The following CDYL2 variants were observed in gnomAD, a reference collection of about 807,000 sequenced individuals.
CDYL2 encodes chromodomain Y like 2.
A neutral mutation model predicts 49.4 loss-of-function variants in CDYL2; 23 were observed. That is an observed-to-expected ratio of 0.47 (90% CI 0.34 to 0.66). The LOEUF (loss-of-function observed/expected upper bound fraction) is 0.66. Ranked by LOEUF, CDYL2 falls within the 30% of genes least tolerant of loss-of-function variation. The pLI is 0.01. For missense variants in CDYL2, 678 were observed against 656.4 expected (o/e 1.03, Z -0.36); for synonymous variants, 360 against 268.8 (o/e 1.34, Z -3.32).
intron 3 of CDYL2, among the ~76,000 whole-genome samples, chr16:80,625,763 T>C (rs1907272533): frequency 6.6e-6 from 1 of 152,206 alleles, no homozygotes; most frequent in African/African-American, 2.4e-5. Context: ...AGGCAAATTC[T>C]ACATAGCAGA....
chr16:80,647,661 G>A (rs1311029252), intron 2 of CDYL2, among the ~76,000 whole-genome samples: 1 of 152,032 alleles, frequency 6.6e-6, no homozygotes, highest in African/African-American at 2.4e-5. Flanking sequence ...AAGAAATATT[G>A]GACTTCATCT....
intron 1 of CDYL2, among the ~76,000 whole-genome samples, chr16:80,707,059 C>T (rs1904429780): frequency 1.3e-5 from 2 of 152,200 alleles, no homozygotes; most frequent in Admixed American, 6.5e-5. Context: ...AGTGAACACC[C>T]CACATCCAAC....
chr16:80,711,017 G>C (rs564757359), intron 1 of CDYL2, among the ~76,000 whole-genome samples: 101 of 152,312 alleles, frequency 6.6e-4, no homozygotes, highest in African/African-American at 2.4e-3. Flanking sequence ...CTAATTTGCA[G>C]CCCTGCTGCT....
chr16:80,710,639 G>A (rs962888146), intron 1 of CDYL2, among the ~76,000 whole-genome samples: 1 of 152,112 alleles, frequency 6.6e-6, no homozygotes, highest in African/African-American at 2.4e-5. Context: ...ATGAAAACAA[G>A]GACACAGAGG....
In CDYL2 at chr16:80,727,426, G is replaced by A. The variant is rs190973284; in HGVS notation, c.25-42297C>T. Among the ~76,000 whole-genome samples the A allele has an allele frequency of 1.3e-4, 20 of 152,340 alleles. 1 individual carries two copies. The highest frequency in any genetic ancestry group is 3.6e-4 in the African/African-American group (15 of 41,584). ...ACGGCGCACCAGGAGATTATATCCC[G>A]CACATGGCTCGGAAGGTCCTACGCC... On this transcript the variant is annotated intron_variant, in intron 1 of 6. Coordinates refer to ENST00000570137, the MANE Select transcript of CDYL2 (RefSeq NM_152342.4).
chr16:80,701,041 T>C (rs1904297832), intron 1 of CDYL2, among the ~76,000 whole-genome samples: 1 of 152,062 alleles, frequency 6.6e-6, no homozygotes, highest in South Asian at 2.1e-4. Context: ...GAGTGAGAAA[T>C]AAACCCCTGC....
intron 1 of CDYL2, among the ~76,000 whole-genome samples, chr16:80,692,013 C>A (rs944985706): frequency 6.6e-6 from 1 of 152,042 alleles, no homozygotes; most frequent in African/African-American, 2.4e-5. Context: ...AAAAAGGACA[C>A]AGAAATTTTA....
At chr16:80,694,186 C>A (rs957569232) in intron 1 of CDYL2, among the ~76,000 whole-genome samples, 3 of 152,168 alleles carry the variant, frequency 2.0e-5, no homozygotes, top group Admixed American at 1.3e-4. Flanking sequence ...CCCTTGCATG[C>A]GCAGTTCACA....
chr16:80,691,173 C>A (rs569828743), intron 1 of CDYL2, among the ~76,000 whole-genome samples: 8 of 152,300 alleles, frequency 5.3e-5, no homozygotes, highest in African/African-American at 1.9e-4. Flanking sequence ...TACCTCAAAC[C>A]CCACATCCCT....
intron 1 of CDYL2, among the ~76,000 whole-genome samples, chr16:80,780,833 C>G (rs1907240772): frequency 6.6e-6 from 1 of 152,156 alleles, no homozygotes; most frequent in Admixed American, 6.5e-5. Context: ...CAAAAATTCT[C>G]TCTCCTCCAC....
At chr16:80,655,879 G>A (rs757645888) in intron 2 of CDYL2, among the ~76,000 whole-genome samples, 7 of 152,202 alleles carry the variant, frequency 4.6e-5, no homozygotes, top group Non-Finnish European at 8.8e-5. Flanking sequence ...TCCTTCAGGA[G>A]CATCATGCTT....
chr16:80,608,815 TAA>T (rs1252478377), intron 5 of CDYL2, among the ~76,000 whole-genome samples: 1 of 151,772 alleles, frequency 6.6e-6, no homozygotes, highest in Non-Finnish European at 1.5e-5. Flanking sequence ...AGAGAAAGAT[TAA>T]GAGAAAGAGA....
chr16:80,662,596 G>C (rs980388937), intron 2 of CDYL2: 1 of 391,822 alleles, frequency 2.6e-6, no homozygotes, highest in Middle Eastern at 9.2e-4. Flanking sequence ...ACATGGATCT[G>C]CCTTCAAAGA....
At chr16:80,724,195 A>G (rs1451233906) in intron 1 of CDYL2, among the ~76,000 whole-genome samples, 2 of 145,930 alleles carry the variant, frequency 1.4e-5, no homozygotes, top group East Asian at 4.2e-4. Flanking sequence ...GGAGAGGAGG[A>G]GGGGAAGGAA....
chr16:80,763,850 A>G (rs1011712174), intron 1 of CDYL2, among the ~76,000 whole-genome samples: 6 of 152,240 alleles, frequency 3.9e-5, no homozygotes, highest in African/African-American at 1.4e-4. Flanking sequence ...TTCCTCTTAG[A>G]GAACTTACTT....
chr16:80,647,344 A>T (rs768728136), intron 2 of CDYL2, among the ~76,000 whole-genome samples: 19 of 152,188 alleles, frequency 1.2e-4, no homozygotes, highest in Admixed American at 2.0e-4. Context: ...TCTTCACAGA[A>T]ATAGAAAAAA....
chr16:80,727,482 A>G (rs1000916504), intron 1 of CDYL2, among the ~76,000 whole-genome samples: 6 of 152,194 alleles, frequency 3.9e-5, no homozygotes, highest in African/African-American at 7.2e-5. Context: ...TAGCACAGCA[A>G]TCTGAGATCA....
At chr16:80,763,688 A>G (rs1906618689) in intron 1 of CDYL2, among the ~76,000 whole-genome samples, 1 of 152,212 alleles carries the variant, frequency 6.6e-6, no homozygotes, top group Non-Finnish European at 1.5e-5. Flanking sequence ...AGGGAACATC[A>G]AGCCACTTTA....
At chr16:80,635,697 G>A (rs1224560109) in intron 2 of CDYL2, among the ~76,000 whole-genome samples, 3 of 152,122 alleles carry the variant, frequency 2.0e-5, no homozygotes, top group African/African-American at 7.2e-5. Flanking sequence ...TTTCTTTACA[G>A]AATTAGAAAA....
Sources: gnomAD v4.1 joint callset for allele counts (sites outside exome capture counted in the v4.1 genomes callset) on GRCh38, gnomAD v4.1.1 for gene constraint, MANE v1.5 for transcripts, NCBI Gene and HGNC (gene_info 2026-07-23, HGNC 2026-07-21) for gene names.